Variants in DLGAP4 observed in about 807,000 individuals in gnomAD.
DLGAP4 encodes the protein disks large-associated protein 4.
Under a neutral mutation model 86.9 loss-of-function variants are expected in DLGAP4, and 18 were observed. The observed-to-expected ratio is 0.21, with a 90% CI of 0.14 to 0.31. The LOEUF is 0.31. DLGAP4 is among the 10% of genes least tolerant of loss of function. The pLI is 1.00. For missense variants in DLGAP4, 1,085 were observed against 1,362.6 expected, an observed-to-expected ratio of 0.80 and a Z score of 3.21; for synonymous variants, 548 against 574.3, an observed-to-expected ratio of 0.95 and a Z score of 0.65.
intron 2 of DLGAP4, among the ~76,000 whole-genome samples, chr20:36,367,721 G>A (rs1014591650): frequency 5.3e-5 from 8 of 152,148 alleles, no homozygotes; most frequent in South Asian, 2.1e-4. Context: ...ATCTTGGGGG[G>A]CCCTACATTC....
chr20:36,317,243 CT>C (rs1368351255), intron 1 of DLGAP4, among the ~76,000 whole-genome samples: 1 of 52,070 alleles, frequency 1.9e-5, no homozygotes, highest in Non-Finnish European at 3.4e-5. Context: ...TTCTTTCTTT[CT>C]TTCTTTCTTT....
chr20:36,373,910 G>A (rs182813584), intron 2 of DLGAP4, among the ~76,000 whole-genome samples: 19 of 151,710 alleles, frequency 1.3e-4, no homozygotes, highest in South Asian at 1.3e-3. Context: ...GGTGGCCAGC[G>A]CCTGTAATCC....
chr20:36,370,742 C>T (rs2030896696), intron 2 of DLGAP4, among the ~76,000 whole-genome samples: 1 of 152,140 alleles, frequency 6.6e-6, no homozygotes, highest in African/African-American at 2.4e-5. Context: ...ATCACTTGAG[C>T]CCAAAAGTTT....
chr20:36,429,398 C>CTTTTTTTTTTTTTT (rs151254062), intron 2 of DLGAP4, among the ~76,000 whole-genome samples: 58 of 76,018 alleles, frequency 7.6e-4, no homozygotes, highest in East Asian at 1.3e-3. Flanking sequence ...TTCTTTTTTT[C>CTTTTTTTTTTTTTT]TTTTTTTTTT....
At chr20:36,458,839 T>G (rs1304582377) in intron 7 of DLGAP4, among the ~76,000 whole-genome samples, 1 of 152,064 alleles carries the variant, frequency 6.6e-6, no homozygotes, top group African/African-American at 2.4e-5. Context: ...AGGGAGGTGG[T>G]GACAACTCAC....
chr20:36,335,589 C>T (rs955493115), intron 1 of DLGAP4, among the ~76,000 whole-genome samples: 2 of 152,144 alleles, frequency 1.3e-5, no homozygotes, highest in Non-Finnish European at 2.9e-5. Flanking sequence ...GGTAGATGCT[C>T]CGGACACAGC....
intron 2 of DLGAP4, among the ~76,000 whole-genome samples, chr20:36,406,234 T>C (rs1204761244): frequency 1.3e-5 from 2 of 151,872 alleles, no homozygotes; most frequent in Non-Finnish European, 2.9e-5. Flanking sequence ...CTGTCTCTAC[T>C]AAAAATACAA....
chr20:36,457,747 C>T (rs1031496661), intron 7 of DLGAP4, among the ~76,000 whole-genome samples: 1 of 151,520 alleles, frequency 6.6e-6, no homozygotes, highest in Non-Finnish European at 1.5e-5. Flanking sequence ...GATCTCCTGA[C>T]CTCATGATCC....
chr20:36,324,097 G>A (rs1396276947), intron 1 of DLGAP4, among the ~76,000 whole-genome samples: 1 of 152,108 alleles, frequency 6.6e-6, no homozygotes, highest in Non-Finnish European at 1.5e-5. Flanking sequence ...CCTAATTCAA[G>A]GGCATGAATA....
chr20:36,428,654 G>T (rs1171476939), intron 2 of DLGAP4, among the ~76,000 whole-genome samples: 1 of 152,228 alleles, frequency 6.6e-6, no homozygotes, highest in African/African-American at 2.4e-5. Flanking sequence ...AGGGCCAGTG[G>T]GCTGGGTGGG....
chr20:36,471,011 T>C (rs1244315499), intron 7 of DLGAP4, among the ~76,000 whole-genome samples: 1 of 152,242 alleles, frequency 6.6e-6, no homozygotes, highest in Non-Finnish European at 1.5e-5. Context: ...AATTACTCTT[T>C]CCAAGAGTCT....
At chr20:36,437,051 G>A (rs2033307257) in intron 4 of DLGAP4, among the ~76,000 whole-genome samples, 1 of 152,048 alleles carries the variant, frequency 6.6e-6, no homozygotes, top group South Asian at 2.1e-4. Context: ...CTGTTCCCCC[G>A]GAGATCCCAG....
At chr20:36,343,437 G>A (rs1196698252) in intron 1 of DLGAP4, among the ~76,000 whole-genome samples, 1 of 152,114 alleles carries the variant, frequency 6.6e-6, no homozygotes, top group African/African-American at 2.4e-5. Flanking sequence ...CAGAGTCAGT[G>A]CCACATCATA....
chr20:36,470,108 A>G (rs941229104), intron 7 of DLGAP4, among the ~76,000 whole-genome samples: 7 of 152,032 alleles, frequency 4.6e-5, no homozygotes, highest in African/African-American at 7.2e-5. Context: ...GAGGAAAGGG[A>G]CTTGCCAGGA....
At chr20:36,307,521 G>C (rs894606065) in intron 1 of DLGAP4, among the ~76,000 whole-genome samples, 2 of 152,208 alleles carry the variant, frequency 1.3e-5, no homozygotes, top group Non-Finnish European at 2.9e-5. Flanking sequence ...GGGAAAAAAT[G>C]AAATGGGGGA....
At chr20:36,447,639 G>T (rs6019700) in intron 7 of DLGAP4, among the ~76,000 whole-genome samples, 7,155 of 152,010 alleles carry the variant, frequency 0.047, 595 homozygotes, top group African/African-American at 0.16. Context: ...CAGGCTGGTC[G>T]TGAACTTCTG....
intron 6 of DLGAP4, among the ~76,000 whole-genome samples, chr20:36,444,798 G>A (rs1366418169): frequency 1.3e-5 from 2 of 151,706 alleles, no homozygotes; most frequent in Non-Finnish European, 2.9e-5. Flanking sequence ...GTGCCACCAC[G>A]CTCGGCCAAT....
At chr20:36,404,110 G>A (rs183071077) in intron 2 of DLGAP4, among the ~76,000 whole-genome samples, 167 of 152,314 alleles carry the variant, frequency 1.1e-3, no homozygotes, top group African/African-American at 2.7e-3. Context: ...ACCAGGAGAC[G>A]AGACTCATCA....
chr20:36,336,050 T>C (rs913672419), intron 1 of DLGAP4, among the ~76,000 whole-genome samples: 10 of 152,130 alleles, frequency 6.6e-5, no homozygotes, highest in African/African-American at 2.4e-4. Context: ...AGAGGGACAG[T>C]TCCCTTTAGA....
Sources: allele counts gnomAD v4.1 joint callset (sites outside exome capture counted in the v4.1 genomes callset), GRCh38; gene constraint gnomAD v4.1.1; transcripts MANE v1.5; gene names NCBI Gene and HGNC (gene_info 2026-07-23, HGNC 2026-07-21).